Variants in IL1RAPL1 observed in about 807,000 individuals in gnomAD.
IL1RAPL1 encodes interleukin-1 receptor accessory protein-like 1.
IL1RAPL1 carries 3 observed loss-of-function variants against 48.4 expected under a neutral mutation model. The observed-to-expected ratio is 0.06, with a 90% CI of 0.03 to 0.16. The LOEUF is 0.16. IL1RAPL1 is among the 10% of genes least tolerant of loss of function. The pLI is 1.00. For synonymous variants in IL1RAPL1, 185 were observed against 187.7 expected, an observed-to-expected ratio of 0.99 and a Z score of 0.12; for missense variants, 349 against 530.6, an observed-to-expected ratio of 0.66 and a Z score of 3.36.
At chrX:29,895,024 A>G (rs111711266) in intron 6 of IL1RAPL1, among the ~76,000 whole-genome samples, 12,818 of 107,827 alleles carry the variant, frequency 0.12, 730 homozygotes, top group Admixed American at 0.19. Context: ...GGGTTTCACC[A>G]TATTGGCCAG....
intron 5 of IL1RAPL1, among the ~76,000 whole-genome samples, chrX:29,644,620 G>A (rs1261413156): frequency 9.1e-6 from 1 of 109,964 alleles, no homozygotes; most frequent in Non-Finnish European, 1.9e-5. Context: ...AGGCTGGAGT[G>A]CCGTGGCATG....
At chrX:29,018,766 A>G (rs1157113970) in intron 2 of IL1RAPL1, among the ~76,000 whole-genome samples, 1 of 111,958 alleles carries the variant, frequency 8.9e-6, no homozygotes, top group Admixed American at 9.5e-5. Flanking sequence ...GAATCTAGAA[A>G]TGATTACATT....
intron 2 of IL1RAPL1, among the ~76,000 whole-genome samples, chrX:29,229,698 A>G (rs1931156418): frequency 8.9e-6 from 1 of 112,473 alleles, no homozygotes; most frequent in African/African-American, 3.2e-5. Flanking sequence ...TATGCCTCGC[A>G]TGCAATGCCA....
chrX:29,059,863 G>C (rs745662003), intron 2 of IL1RAPL1, among the ~76,000 whole-genome samples: 1 of 111,320 alleles, frequency 9.0e-6, no homozygotes, highest in Non-Finnish European at 1.9e-5. Flanking sequence ...AAGACTAACA[G>C]GTCAAAGAAA....
intron 5 of IL1RAPL1, among the ~76,000 whole-genome samples, chrX:29,525,234 C>T (rs967611219): frequency 9.0e-6 from 1 of 111,624 alleles, no homozygotes; most frequent in Non-Finnish European, 1.9e-5. Context: ...GTGATATAGC[C>T]CAATATACCA....
chrX:28,660,890 T>C (rs1934814845), intron 1 of IL1RAPL1, among the ~76,000 whole-genome samples: 1 of 110,663 alleles, frequency 9.0e-6, no homozygotes, highest in African/African-American at 3.3e-5. Context: ...CAAGAGGAGG[T>C]TGGGGAGAAA....
rs1188987724 is a variant in IL1RAPL1 at position 29,418,110 on chromosome X, TATATATA to T, written c.703+18803_703+18809del. Among the ~76,000 whole-genome samples the T allele has an allele frequency of 1.3e-3, 55 of 43,460 alleles. 1 individual carries two copies. Among genetic ancestry groups the T allele is most frequent in the Admixed American group, 3.4e-3 (9 of 2,630 alleles). 37.7% of individuals were successfully genotyped at this position (43,460 alleles called of 115,157 possible). A position where few individuals can be genotyped will look rare whatever the true frequency, so the allele number is the denominator to read the frequency against. On this transcript the variant is annotated intron_variant, in intron 5 of 10. Coordinates refer to ENST00000378993, the MANE Select transcript of IL1RAPL1 (RefSeq NM_014271.4). Reference sequence around the variant, plus strand: ...AAAGTAATATATATATATATATATATATATATATATATATATTTTTTTTTTTTTTTTT... The same window carrying T: ...AAAGTAATATATATATATATATATATTATATATATTTTTTTTTTTTTTTTT...
At chrX:29,947,341 C>G (rs907464962) in intron 9 of IL1RAPL1, among the ~76,000 whole-genome samples, 2 of 111,051 alleles carry the variant, frequency 1.8e-5, no homozygotes, top group African/African-American at 6.5e-5. Context: ...TTGTTTTCAG[C>G]TTTTTTTCCT....
chrX:29,140,222 A>T (rs1293043951), intron 2 of IL1RAPL1, among the ~76,000 whole-genome samples: 1 of 111,586 alleles, frequency 9.0e-6, no homozygotes, highest in Non-Finnish European at 1.9e-5. Context: ...TGAGGAATCC[A>T]CTCCCATGAC....
chrX:28,839,760 T>G (rs1029768435), intron 2 of IL1RAPL1, among the ~76,000 whole-genome samples: 1 of 110,759 alleles, frequency 9.0e-6, no homozygotes, highest in East Asian at 2.8e-4. Context: ...CATTGCATAT[T>G]TCAACAACTT....
intron 2 of IL1RAPL1, among the ~76,000 whole-genome samples, chrX:29,026,426 G>T (rs1269169421): frequency 9.0e-6 from 1 of 110,981 alleles, no homozygotes; most frequent in Non-Finnish European, 1.9e-5. Context: ...GTGGTGGGGG[G>T]TGAGGGGAGG....
chrX:29,336,282 A>C (rs189537937), intron 3 of IL1RAPL1, among the ~76,000 whole-genome samples: 730 of 53,294 alleles, frequency 0.014, 28 homozygotes, highest in African/African-American at 0.038. Flanking sequence ...ATATATATAT[A>C]TATATATATG....
At chrX:29,537,780 G>T (rs1391389274) in intron 5 of IL1RAPL1, among the ~76,000 whole-genome samples, 4 of 111,427 alleles carry the variant, frequency 3.6e-5, no homozygotes, top group South Asian at 3.7e-4. Flanking sequence ...ACATGTTGAA[G>T]GAGGCAAGAA....
At chrX:29,284,642 G>A (rs1185750759) in intron 3 of IL1RAPL1, among the ~76,000 whole-genome samples, 2 of 111,982 alleles carry the variant, frequency 1.8e-5, no homozygotes, top group African/African-American at 6.5e-5. Context: ...CTACTTGGGA[G>A]GCTGAGGCAA....
chrX:29,935,102 G>T (rs1252157800), intron 8 of IL1RAPL1, among the ~76,000 whole-genome samples: 1 of 109,535 alleles, frequency 9.1e-6, no homozygotes, highest in Non-Finnish European at 1.9e-5. Context: ...TATTTTTTTT[G>T]GATGTTTATG....
At chrX:28,756,868 C>A (rs1488024220) in intron 1 of IL1RAPL1, among the ~76,000 whole-genome samples, 1 of 111,492 alleles carries the variant, frequency 9.0e-6, no homozygotes, top group African/African-American at 3.3e-5. Flanking sequence ...TCAGTAACAG[C>A]CTAGTATTGT....
intron 5 of IL1RAPL1, among the ~76,000 whole-genome samples, chrX:29,408,846 A>C (rs1413664453): frequency 8.9e-6 from 1 of 111,966 alleles, no homozygotes; most frequent in Non-Finnish European, 1.9e-5. Context: ...TAATTCCCTG[A>C]ACCTCAGTCT....
chrX:28,846,930 T>C (rs1174255447), intron 2 of IL1RAPL1, among the ~76,000 whole-genome samples: 1 of 111,528 alleles, frequency 9.0e-6, no homozygotes, highest in Non-Finnish European at 1.9e-5. Context: ...GTATCATGGC[T>C]TTAAATACCA....
chrX:28,750,487 A>G (rs891682541), intron 1 of IL1RAPL1, among the ~76,000 whole-genome samples: 1 of 111,590 alleles, frequency 9.0e-6, no homozygotes, highest in African/African-American at 3.3e-5. Flanking sequence ...CATTTTCATT[A>G]AATGTCAGAA....
Sources: allele counts gnomAD v4.1 joint callset (sites outside exome capture counted in the v4.1 genomes callset), GRCh38; gene constraint gnomAD v4.1.1; transcripts MANE v1.5; gene names NCBI Gene and HGNC (gene_info 2026-07-23, HGNC 2026-07-21).